The following RORA variants were observed in gnomAD, a reference collection of about 807,000 sequenced individuals.
RORA encodes the protein nuclear receptor ROR-alpha.
A neutral mutation model predicts 69.5 loss-of-function variants in RORA; 7 were observed. That is an observed-to-expected ratio of 0.10 (90% CI 0.06 to 0.19). RORA has a LOEUF of 0.19. Among genes scored for constraint, RORA ranks in the 10% least tolerant of loss-of-function variants. The pLI is 1.00. For synonymous variants in RORA, 261 were observed against 240.8 expected (o/e 1.08, Z -0.78); for missense variants, 457 against 663.0 (o/e 0.69, Z 3.41).
intron 1 of RORA, among the ~76,000 whole-genome samples, chr15:61,125,396 T>C (rs1382991010): frequency 6.6e-6 from 1 of 152,234 alleles, no homozygotes; most frequent in Non-Finnish European, 1.5e-5. Flanking sequence ...TCTTTATTGA[T>C]ACTATTAGAT....
chr15:60,951,183 A>G (rs1249434927), intron 1 of RORA, among the ~76,000 whole-genome samples: 2 of 152,186 alleles, frequency 1.3e-5, no homozygotes, highest in Non-Finnish European at 2.9e-5. Flanking sequence ...CTGCTCCTGA[A>G]TGACTAGTGG....
chr15:60,855,068 G>T (rs979390607), intron 1 of RORA, among the ~76,000 whole-genome samples: 6 of 152,242 alleles, frequency 3.9e-5, no homozygotes, highest in Non-Finnish European at 8.8e-5. Flanking sequence ...GCTTACGATT[G>T]TGCTTGTCTG....
At chr15:60,665,052 C>T (rs2070360682) in intron 2 of RORA, among the ~76,000 whole-genome samples, 1 of 152,234 alleles carries the variant, frequency 6.6e-6, no homozygotes, top group African/African-American at 2.4e-5. Context: ...AGGAAACATA[C>T]TTACATTCTA....
intron 1 of RORA, among the ~76,000 whole-genome samples, chr15:60,782,737 G>T (rs1304570133): frequency 6.6e-6 from 1 of 152,152 alleles, no homozygotes; most frequent in Non-Finnish European, 1.5e-5. Context: ...AAGTGAACAT[G>T]TGGGAAAATG....
At chr15:60,499,786 T>C in intron 10 of RORA, 106 bp downstream of exon 10, 2 of 644,636 alleles carry the variant, frequency 3.1e-6, no homozygotes, top group Non-Finnish European at 5.4e-6. Flanking sequence ...TGTTGCCTTC[T>C]GATACTTTTG....
In RORA at chr15:60,933,486, T is replaced by A. The variant is rs189281642; in HGVS notation, c.167-254800A>T. 5.4e-4 allele frequency among the ~76,000 whole-genome samples: 83 copies of A among 152,334 alleles called. 1 individual carries two copies. Among genetic ancestry groups the A allele is most frequent in the Middle Eastern group, 6.8e-3 (2 of 294 alleles). On this transcript the variant is annotated intron_variant, in intron 1 of 10. Transcript: ENST00000335670. ...CTCCTCCAAGCAGCTTCCGCAGCTC[T>A]TCTCTTGTGAAGCCCCCTTGATCTC...
chr15:60,973,604 C>T (rs1893789508), intron 1 of RORA, among the ~76,000 whole-genome samples: 2 of 152,214 alleles, frequency 1.3e-5, no homozygotes, highest in South Asian at 4.1e-4. Context: ...ACAGTGGTGA[C>T]CTCTGACAAA....
chr15:61,070,659 A>C (rs2078328364), intron 1 of RORA, among the ~76,000 whole-genome samples: 1 of 152,238 alleles, frequency 6.6e-6, no homozygotes, highest in African/African-American at 2.4e-5. Context: ...AGCTTACAAA[A>C]TGTTTGCACA....
chr15:60,588,502 T>C (rs139618266), intron 2 of RORA, among the ~76,000 whole-genome samples: 1 of 152,076 alleles, frequency 6.6e-6, no homozygotes, highest in African/African-American at 2.4e-5. Context: ...CTCCAGTAAG[T>C]GGCCATTTAT....
At chr15:61,038,729 A>G (rs1455895972) in intron 1 of RORA, 2 of 152,244 alleles carry the variant, frequency 1.3e-5, no homozygotes, top group East Asian at 3.9e-4. Context: ...CTAGGCAGCA[A>G]TTTCAATAAT....
intron 1 of RORA, among the ~76,000 whole-genome samples, chr15:60,685,160 C>T (rs952036409): frequency 5.9e-5 from 9 of 152,104 alleles, no homozygotes; most frequent in South Asian, 2.1e-4. Context: ...TGTTATTAAA[C>T]GGGATAATCC....
chr15:60,629,329 G>C (rs2069679063), intron 2 of RORA, among the ~76,000 whole-genome samples: 1 of 151,866 alleles, frequency 6.6e-6, no homozygotes, highest in African/African-American at 2.4e-5. Context: ...TGGGATTATA[G>C]GCATGCACCA....
intron 5 of RORA, among the ~76,000 whole-genome samples, chr15:60,507,272 T>A (rs2065537442): frequency 6.6e-6 from 1 of 152,236 alleles, no homozygotes; most frequent in Non-Finnish European, 1.5e-5. Flanking sequence ...CAAGTCATTT[T>A]AAAAGAACGG....
intron 1 of RORA, among the ~76,000 whole-genome samples, chr15:60,752,570 C>T (rs950548996): frequency 6.6e-6 from 1 of 152,026 alleles, no homozygotes; most frequent in African/African-American, 2.4e-5. Flanking sequence ...TAATTTGCCG[C>T]CGAGAACAAC....
chr15:61,135,146 T>TAAAA (rs59644906), intron 1 of RORA, among the ~76,000 whole-genome samples: 10 of 56,540 alleles, frequency 1.8e-4, no homozygotes, highest in East Asian at 5.3e-4. Context: ...CATCTCTTAC[T>TAAAA]AAAAAAAAAA....
At chr15:61,192,733 CTGAG>C (rs1250493232) in intron 1 of RORA, among the ~76,000 whole-genome samples, 1 of 152,206 alleles carries the variant, frequency 6.6e-6, no homozygotes, top group Non-Finnish European at 1.5e-5. Context: ...ATGCTCCTCA[CTGAG>C]TATGTGATTT....
chr15:61,138,952 T>C (rs1455573265), intron 1 of RORA, among the ~76,000 whole-genome samples: 1 of 152,142 alleles, frequency 6.6e-6, no homozygotes, highest in Non-Finnish European at 1.5e-5. Flanking sequence ...GAGACCATCC[T>C]GGCTAACAGG....
In RORA at chr15:60,540,573, C is replaced by CG. The variant is rs1405730489; in HGVS notation, c.197-8723_197-8722insC. Among the ~76,000 whole-genome samples the CG allele has an allele frequency of 1.5e-4, 11 of 74,922 alleles. 1 individual carries two copies. Among genetic ancestry groups the CG allele is most frequent in the Admixed American group, 9.2e-4 (6 of 6,540 alleles). The allele number at this position is 74,922 out of a possible 152,430, so 49.2% of individuals were successfully genotyped here. On this transcript the variant is annotated intron_variant, in intron 2 of 10. Coordinates refer to ENST00000335670, the MANE Select transcript of RORA (RefSeq NM_134261.3). ...CTGCACAATTTCCATGACCCCCCCC[C>CG]CCCAAAACTGTGCGGTCACAAAACC...
intron 1 of RORA, among the ~76,000 whole-genome samples, chr15:60,901,864 T>C (rs145497020): frequency 1.4e-4 from 22 of 152,316 alleles, no homozygotes; most frequent in Admixed American, 3.3e-4. Flanking sequence ...TGCATTCCAG[T>C]AGTGAAACTG....
Sources: gnomAD v4.1 joint callset for allele counts (sites outside exome capture counted in the v4.1 genomes callset) on GRCh38, gnomAD v4.1.1 for gene constraint, MANE v1.5 for transcripts, NCBI Gene and HGNC (gene_info 2026-07-23, HGNC 2026-07-21) for gene names.